The following HERPUD2 variants were observed in gnomAD, a reference collection of about 807,000 sequenced individuals.
HERPUD2 encodes homocysteine-responsive endoplasmic reticulum-resident ubiquitin-like domain member 2 protein.
HERPUD2 carries 13 observed loss-of-function variants against 49.9 expected under a neutral mutation model. That is an observed-to-expected ratio of 0.26 (90% CI 0.17 to 0.41). The LOEUF is 0.41. Among genes scored for constraint, HERPUD2 ranks in the 10% least tolerant of loss-of-function variants. The pLI is 1.00. For synonymous variants in HERPUD2, 172 were observed against 171.4 expected, an observed-to-expected ratio of 1.00 and a Z score of -0.03; for missense variants, 449 against 492.2, an observed-to-expected ratio of 0.91 and a Z score of 0.83.
chr7:35,660,277 T>C (rs79351072), intron 5 of HERPUD2, among the ~76,000 whole-genome samples: 2 of 152,366 alleles, frequency 1.3e-5, no homozygotes, highest in Middle Eastern at 3.4e-3. Context: ...CAGTCTATCA[T>C]TGATGGACAT....
intron 2 of HERPUD2, among the ~76,000 whole-genome samples, chr7:35,680,763 C>T (rs1281885294): frequency 6.6e-6 from 1 of 152,240 alleles, no homozygotes; most frequent in Non-Finnish European, 1.5e-5. Flanking sequence ...CCCTCTCACA[C>T]ATCCTGTTTA....
intron 6 of HERPUD2, among the ~76,000 whole-genome samples, chr7:35,636,480 A>G (rs1404202005): frequency 2.0e-5 from 3 of 152,206 alleles, no homozygotes; most frequent in Non-Finnish European, 4.4e-5. Flanking sequence ...AAGTTAAATG[A>G]TGCACATAAG....
At chr7:35,675,126 A>C (rs1002650269) in intron 2 of HERPUD2, among the ~76,000 whole-genome samples, 2 of 152,156 alleles carry the variant, frequency 1.3e-5, no homozygotes, top group Non-Finnish European at 2.9e-5. Flanking sequence ...TGTGGAATCT[A>C]TCCCCAGGTA....
chr7:35,686,697 C>T (rs1268541474), intron 2 of HERPUD2, among the ~76,000 whole-genome samples: 9 of 75,888 alleles, frequency 1.2e-4, no homozygotes, highest in Admixed American at 8.7e-4. Flanking sequence ...CCAGCCTGGG[C>T]GACAGAACGA....
At chr7:35,652,450 TC>T (rs1785186817) in intron 5 of HERPUD2, among the ~76,000 whole-genome samples, 1 of 151,988 alleles carries the variant, frequency 6.6e-6, no homozygotes, top group African/African-American at 2.4e-5. Flanking sequence ...AAGAGAGAAT[TC>T]TAAAAACAGC....
At chr7:35,637,160 A>AAGAAAGATAGATAGATAGAT (rs1554311472) in intron 6 of HERPUD2, among the ~76,000 whole-genome samples, 15 of 144,082 alleles carry the variant, frequency 1.0e-4, no homozygotes, top group Non-Finnish European at 1.8e-4. Context: ...GAAAGAAAGA[A>AAGAAAGATAGATAGATAGAT]AGATAGATAG....
intron 5 of HERPUD2, among the ~76,000 whole-genome samples, chr7:35,650,669 C>T (rs774331371): frequency 4.6e-5 from 7 of 152,262 alleles, no homozygotes; most frequent in East Asian, 1.9e-4. Context: ...CACCTGTGAA[C>T]GGTGCTACTG....
rs1023269140 is a variant in HERPUD2, at chr7:35,684,806, G to A, written c.147+9378C>T. ...AAACAGGGTGCAGTGTATACTGCCCGGGTGATGGGTACACCAGAATATCAT... is the reference window on the plus strand; with the variant it reads ...AAACAGGGTGCAGTGTATACTGCCCAGGTGATGGGTACACCAGAATATCAT... On this transcript the variant is annotated intron_variant, in intron 2 of 8. Coordinates refer to ENST00000311350, the MANE Select transcript of HERPUD2 (RefSeq NM_022373.5). 3.9e-5 allele frequency among the ~76,000 whole-genome samples: 6 copies of A among 152,122 alleles called. No homozygotes were observed. The East Asian group carries it at 7.7e-4, about 20-fold the overall frequency.
At chr7:35,648,226 A>T (rs1371433620) in intron 5 of HERPUD2, among the ~76,000 whole-genome samples, 1 of 152,234 alleles carries the variant, frequency 6.6e-6, no homozygotes, top group Non-Finnish European at 1.5e-5. Flanking sequence ...TCCTAAAATA[A>T]TAACTGCTAA....
At chr7:35,637,788 A>G (rs1480690983) in intron 6 of HERPUD2, among the ~76,000 whole-genome samples, 2 of 152,268 alleles carry the variant, frequency 1.3e-5, no homozygotes, top group African/African-American at 2.4e-5. Flanking sequence ...AAGAGTGACC[A>G]GAAAGATAAA....
chr7:35,670,108 AC>A (rs1483395085), intron 4 of HERPUD2, 106 bp downstream of exon 4: 1 of 516,584 alleles, frequency 1.9e-6, no homozygotes, highest in African/African-American at 2.0e-5. Flanking sequence ...CTCAAAATTC[AC>A]AAGCTCCAAT....
chr7:35,645,540 T>A (rs1036407713), intron 5 of HERPUD2, among the ~76,000 whole-genome samples: 1 of 152,258 alleles, frequency 6.6e-6, no homozygotes, highest in African/African-American at 2.4e-5. Context: ...GGCTAGTGTG[T>A]ACAGTAAGCC....
chr7:35,674,436 G>GGAGC (rs1785714863), intron 2 of HERPUD2, among the ~76,000 whole-genome samples: 1 of 131,392 alleles, frequency 7.6e-6, no homozygotes, highest in African/African-American at 2.8e-5. Flanking sequence ...GAGAGAGAGA[G>GGAGC]AGAGAGAGAG....
chr7:35,639,088 G>C (rs1784923755), intron 5 of HERPUD2, among the ~76,000 whole-genome samples: 1 of 151,820 alleles, frequency 6.6e-6, no homozygotes, highest in Non-Finnish European at 1.5e-5. Flanking sequence ...GAGTGCAGTG[G>C]CGTGATCTCG....
Position 35,673,287 on chromosome 7 carries a change from T to C in HERPUD2, c.148-9A>G, listed in dbSNP as rs1785683658. 4 of 1,599,780 alleles carry C rather than the reference T, an allele frequency of 2.5e-6. No homozygotes were observed. The East Asian group carries it at 9.0e-5, about 36-fold the overall frequency. On this transcript the variant is annotated splice_polypyrimidine_tract_variant and intron_variant, in intron 2 of 8. Coordinates refer to ENST00000311350, the MANE Select transcript of HERPUD2 (RefSeq NM_022373.5). ...CTCTGATCCTTCGTCAACTAAGAAA[T>C]GGGACAAAGAAAAGAATTCAACTTT...
Position 35,670,245 on chromosome 7 carries a change from A to C in HERPUD2, c.309T>G (p.Ser103Arg). Residue 103 changes from serine (S) to arginine (R), a missense_variant, in exon 4 of 9, where the codon AGT (serine) becomes AGG (arginine). Transcript: ENST00000311350. ...SSPKSSTNRE[S>R]HEALASSSNS... ...TGCTGCTGGATGCCAATGCTTCATG[A>C]CTTTCTCTATTGGTGCTGGATTTTG... 1.3e-6 allele frequency: 2 copies of C among 1,583,602 alleles called. No individual in the cohort carries two copies. Among genetic ancestry groups the C allele is most frequent in the Non-Finnish European group, 1.7e-6 (2 of 1,160,956 alleles).
intron 5 of HERPUD2, among the ~76,000 whole-genome samples, chr7:35,663,062 A>G (rs1785460799): frequency 1.3e-5 from 2 of 152,154 alleles, no homozygotes; most frequent in South Asian, 4.1e-4. Context: ...AGATTCTGGT[A>G]TGTTGTGTCT....
At position 35,694,402 on chromosome 7, in the gene HERPUD2, G is replaced by T. The variant is rs1236403342; in HGVS notation, c.-72C>A. On this transcript the variant is annotated 5_prime_UTR_variant, in exon 2 of 9. Coordinates refer to ENST00000311350, the MANE Select transcript of HERPUD2 (RefSeq NM_022373.5). ...CAAAAGAGCCGAGATGGTCACCGCC[G>T]GCGCGACTGGGATGAGGACAGAAGT... 4.6e-6 allele frequency: 7 copies of T among 1,522,882 alleles called. No homozygotes were observed. Among genetic ancestry groups the T allele is most frequent in the Non-Finnish European group, 6.4e-6 (7 of 1,099,580 alleles). 94.3% of individuals were successfully genotyped at this position (1,522,882 alleles called of 1,614,324 possible).
At chr7:35,675,998 T>C (rs1785751548) in intron 2 of HERPUD2, among the ~76,000 whole-genome samples, 1 of 152,186 alleles carries the variant, frequency 6.6e-6, no homozygotes, top group Non-Finnish European at 1.5e-5. Context: ...ACAAATTTAG[T>C]AAGTTTTATA....
Sources: gnomAD v4.1 joint callset for allele counts (sites outside exome capture counted in the v4.1 genomes callset) on GRCh38, gnomAD v4.1.1 for gene constraint, MANE v1.5 for transcripts, NCBI Gene and HGNC (gene_info 2026-07-23, HGNC 2026-07-21) for gene names.